WDPCP: variants seen among roughly 807,000 people sequenced by gnomAD.
WDPCP encodes the protein WD repeat-containing and planar cell polarity effector protein fritz homolog.
Under a neutral mutation model 93.1 loss-of-function variants are expected in WDPCP, and 71 were observed. The ratio of observed to expected loss-of-function variants is 0.76; its 90% CI spans 0.63 to 0.93. The LOEUF is 0.93. WDPCP is among the 40% of genes least tolerant of loss of function. The probability of loss-of-function intolerance (pLI) is 0.00; values close to 1 mark genes in which losing one functional copy is unlikely to be tolerated. For missense variants in WDPCP, 844 were observed against 887.4 expected (o/e 0.95, Z 0.62); for synonymous variants, 315 against 315.0 (o/e 1.00, Z 0.00).
intron 17 of WDPCP, among the ~76,000 whole-genome samples, chr2:63,128,146 A>T (rs1352154639): frequency 2.6e-5 from 4 of 152,138 alleles, no homozygotes; most frequent in Admixed American, 6.6e-5. Flanking sequence ...CTCAAAAAAA[A>T]TTAATAAATA....
intron 2 of WDPCP, among the ~76,000 whole-genome samples, chr2:63,719,111 G>A (rs998404981): frequency 6.6e-6 from 1 of 152,286 alleles, no homozygotes; most frequent in Non-Finnish European, 1.5e-5. Flanking sequence ...TATTTACAGA[G>A]GTGTATAGGT....
At chr2:63,620,933 G>A (rs747451716) in intron 3 of WDPCP, among the ~76,000 whole-genome samples, 1 of 152,214 alleles carries the variant, frequency 6.6e-6, no homozygotes, top group Non-Finnish European at 1.5e-5. Context: ...GGGGCTGACT[G>A]TTAGAAGGAA....
rs548687021 is a variant in WDPCP, at chr2:63,225,815, G to C, written c.1915+33492C>G. Among the ~76,000 whole-genome samples, 13 of 151,952 alleles carry C rather than the reference G, an allele frequency of 8.6e-5. No homozygotes were observed. The South Asian group carries it at 2.3e-3, about 27-fold the overall frequency. On this transcript the variant is annotated intron_variant, in intron 14 of 17. Coordinates refer to ENST00000272321, the MANE Select transcript of WDPCP (RefSeq NM_015910.7). ...ATATTTATGAATGAACTTATTTCTG[G>C]ATAAGGATGTGTAATTCTCTTCCAA...
At chr2:63,812,450 A>G (rs1255549434) in intron 2 of WDPCP, among the ~76,000 whole-genome samples, 1 of 152,178 alleles carries the variant, frequency 6.6e-6, no homozygotes, top group Non-Finnish European at 1.5e-5. Flanking sequence ...GCTGGGTCAT[A>G]TGATGGTTCT....
intron 1 of WDPCP, among the ~76,000 whole-genome samples, chr2:63,506,681 A>G (rs1443415967): frequency 2.0e-5 from 3 of 152,060 alleles, no homozygotes; most frequent in African/African-American, 7.2e-5. Flanking sequence ...AACTGAAAAC[A>G]AGAGAACTGT....
chr2:63,693,139 G>T (rs1469557096), intron 2 of WDPCP, among the ~76,000 whole-genome samples: 1 of 152,082 alleles, frequency 6.6e-6, no homozygotes, highest in Non-Finnish European at 1.5e-5. Flanking sequence ...GGTCTTCCAT[G>T]CATTCACTCA....
At chr2:63,601,515 T>A (rs1709417835) in intron 3 of WDPCP, among the ~76,000 whole-genome samples, 2 of 152,252 alleles carry the variant, frequency 1.3e-5, no homozygotes, top group Non-Finnish European at 1.5e-5. Flanking sequence ...AACAGACCTA[T>A]GTGACAGACA....
At chr2:63,283,229 T>A (rs1385493163) in intron 13 of WDPCP, among the ~76,000 whole-genome samples, 1 of 152,188 alleles carries the variant, frequency 6.6e-6, no homozygotes, top group East Asian at 1.9e-4. Flanking sequence ...AATTTTTTTT[T>A]AAGAGGTTTT....
At position 63,406,246 on chromosome 2, in the gene WDPCP, C is replaced by T. The variant is rs144899520; in HGVS notation, c.826-1589G>A. Among the ~76,000 whole-genome samples, 28 of 152,286 alleles carry T rather than the reference C, an allele frequency of 1.8e-4. No individual in the cohort carries two copies. The East Asian group carries it at 4.6e-3, about 25-fold the overall frequency. ...TTTGCCTTTACTCCACTCTTCAAAC[C>T]GTTCAATGGCTACCCACTGACTAAT... On this transcript the variant is annotated intron_variant, in intron 9 of 17. Transcript: ENST00000272321.
chr2:63,293,790 A>C (rs1375805766), intron 13 of WDPCP, among the ~76,000 whole-genome samples: 3 of 152,196 alleles, frequency 2.0e-5, no homozygotes, highest in African/African-American at 7.2e-5. Context: ...CTTTGAAGAC[A>C]GGACAATAAA....
At chr2:63,455,413 G>GATATATAT (rs59481179) in intron 6 of WDPCP, among the ~76,000 whole-genome samples, 71 of 140,934 alleles carry the variant, frequency 5.0e-4, no homozygotes, top group Middle Eastern at 3.7e-3. Flanking sequence ...TACTTGTAAA[G>GATATATAT]ATATATATAT....
rs1672614692 is a variant in WDPCP, at chr2:63,161,160, A to G, written c.2079-7586T>C. On this transcript the variant is annotated intron_variant, in intron 15 of 17. Coordinates refer to ENST00000272321, the MANE Select transcript of WDPCP (RefSeq NM_015910.7). ...ATGCTGTGGAAGTGAGTCAGGGCAT[A>G]CTTAAGGAATTTTCTGGGCCTCTGC... Among the ~76,000 whole-genome samples, 6 of 152,226 alleles carry G rather than the reference A, an allele frequency of 3.9e-5. 1 individual carries two copies. The highest frequency in any genetic ancestry group is 3.9e-4 in the Admixed American group (6 of 15,286).
At chr2:63,199,398 A>G (rs1675711986) in intron 14 of WDPCP, among the ~76,000 whole-genome samples, 1 of 152,184 alleles carries the variant, frequency 6.6e-6, no homozygotes, top group Admixed American at 6.5e-5. Context: ...CTAGGAGGGA[A>G]GAATAGTTTT....
chr2:63,486,610 G>C (rs1700589651), intron 3 of WDPCP, 24 bp from the exon 4 acceptor site: 5 of 1,556,956 alleles, frequency 3.2e-6, no homozygotes, highest in Non-Finnish European at 4.4e-6. Context: ...AGAAGGGATA[G>C]AAAGAAAAAA....
chr2:63,828,727 C>T (rs898585931), upstream of WDPCP, among the ~76,000 whole-genome samples: 1 of 152,050 alleles, frequency 6.6e-6, no homozygotes, highest in Non-Finnish European at 1.5e-5. Flanking sequence ...GACAATGATA[C>T]CTAAGATTTT....
At chr2:63,645,831 T>G (rs527523316) in intron 3 of WDPCP, among the ~76,000 whole-genome samples, 1 of 152,350 alleles carries the variant, frequency 6.6e-6, no homozygotes, top group South Asian at 2.1e-4. Flanking sequence ...TCCTGCTCTT[T>G]TTTGGTTTCC....
At chr2:63,755,952 G>C (rs115823195) in intron 2 of WDPCP, among the ~76,000 whole-genome samples, 2 of 152,182 alleles carry the variant, frequency 1.3e-5, no homozygotes, top group African/African-American at 4.8e-5. Flanking sequence ...AATTCTCATT[G>C]CATTTCCTAT....
In WDPCP at chr2:63,404,351, G is replaced by T. The variant is rs1694390202; in HGVS notation, c.1132C>A (p.Leu378Ile). ...TGGCAGCTTATTAATGAAGGCAAAA[G>T]TTCAGTCTGTGCTAAGAGAGTCACT... is the stretch of plus-strand genomic sequence containing the variant. Reference protein sequence around the residue: ...RRVTLLAQTELLPSLISCHPS... With the variant: ...RRVTLLAQTEILPSLISCHPS... The change falls in exon 10 of 18, where the codon CTT becomes ATT. Residue 378 changes from leucine to isoleucine, a missense_variant. Leu to Ile is a conservative substitution (Grantham distance 5). Transcript: ENST00000272321. 5 of 1,614,160 alleles carry T rather than the reference G, an allele frequency of 3.1e-6. No homozygotes were observed. The highest frequency in any genetic ancestry group is 2.7e-5 in the African/African-American group (2 of 75,050).
At chr2:63,316,223 G>T (rs761767267) in intron 12 of WDPCP, among the ~76,000 whole-genome samples, 1 of 152,134 alleles carries the variant, frequency 6.6e-6, no homozygotes, top group African/African-American at 2.4e-5. Flanking sequence ...TGACTACACA[G>T]GGAATTAAGT....
Sources: allele counts gnomAD v4.1 joint callset (sites outside exome capture counted in the v4.1 genomes callset), GRCh38; gene constraint gnomAD v4.1.1; transcripts MANE v1.5; gene names NCBI Gene and HGNC (gene_info 2026-07-23, HGNC 2026-07-21).